Variants in STX5 observed in about 807,000 individuals in gnomAD.
STX5 encodes the protein syntaxin-5.
STX5 carries 15 observed loss-of-function variants against 42.9 expected under a neutral mutation model. That is an observed-to-expected ratio of 0.35 (90% CI 0.23 to 0.54). The LOEUF (loss-of-function observed/expected upper bound fraction) is 0.54, where lower values mean the gene tolerates loss of function less well. Ranked by LOEUF, STX5 falls within the 20% of genes least tolerant of loss-of-function variation. STX5 has a pLI of 0.91. For synonymous variants in STX5, 184 were observed against 173.2 expected (o/e 1.06, Z -0.49); for missense variants, 430 against 455.0 (o/e 0.95, Z 0.50).
chr11:62,809,071 G>A (rs1162678762), intron 10 of STX5, among the ~76,000 whole-genome samples: 4 of 151,900 alleles, frequency 2.6e-5, no homozygotes, highest in East Asian at 1.9e-4. Flanking sequence ...GGCCGATCAC[G>A]AAGTCAGGAG....
chr11:62,828,541 A>G (rs927121099), intron 2 of STX5, among the ~76,000 whole-genome samples: 4 of 151,806 alleles, frequency 2.6e-5, no homozygotes, highest in African/African-American at 7.3e-5. Context: ...CCTGGCTAAC[A>G]TGGTGAAACC....
intron 10 of STX5, chr11:62,823,869 C>T (rs537773971): frequency 1.0e-4 from 38 of 378,324 alleles, no homozygotes; most frequent in South Asian, 9.5e-4. Context: ...TTCTTTTCCA[C>T]AGCTGTCCTC....
chr11:62,814,465 TC>T (rs1489928096), intron 10 of STX5, among the ~76,000 whole-genome samples: 2 of 30,264 alleles, frequency 6.6e-5, no homozygotes, highest in African/African-American at 1.1e-4. Flanking sequence ...CCGGGACTCT[TC>T]CTTTTTTTTT....
chr11:62,822,549 C>A (rs923085008), intron 10 of STX5, among the ~76,000 whole-genome samples: 2 of 152,072 alleles, frequency 1.3e-5, no homozygotes, highest in African/African-American at 2.4e-5. Flanking sequence ...TTGTCACCTG[C>A]GGGCCTTTGC....
chr11:62,825,174 A>G (rs895169470), intron 7 of STX5, 57 bp from the exon 8 acceptor site: 24 of 1,611,894 alleles, frequency 1.5e-5, no homozygotes, highest in Non-Finnish European at 2.0e-5. Context: ...GGCATGTTAA[A>G]GAGACTCCCA....
intron 1 of STX5, 78 bp downstream of exon 1, chr11:62,831,876 C>G (rs562427738): frequency 6.6e-6 from 3 of 456,952 alleles, no homozygotes; most frequent in South Asian, 4.6e-5. Flanking sequence ...TCCCTTCCCC[C>G]CGCCAGTCGT....
At chr11:62,824,092 C>A (rs2084767284) in intron 10 of STX5, 74 bp downstream of exon 10, 3 of 1,607,992 alleles carry the variant, frequency 1.9e-6, no homozygotes, top group East Asian at 4.5e-5. Flanking sequence ...ATCAAGCAGT[C>A]CCTGGGGACT....
intron 10 of STX5, 93 bp downstream of exon 10, chr11:62,824,073 C>G (rs757317073): frequency 1.2e-5 from 19 of 1,580,138 alleles, no homozygotes; most frequent in Non-Finnish European, 1.6e-5. Flanking sequence ...ACTCTATCTT[C>G]CAAAAGGCAT....
At chr11:62,826,910 G>A (rs1448296425) in intron 5 of STX5, among the ~76,000 whole-genome samples, 1 of 151,230 alleles carries the variant, frequency 6.6e-6, no homozygotes, top group African/African-American at 2.4e-5. Flanking sequence ...AATTATCCAG[G>A]AATGAGGGCA....
intron 10 of STX5, among the ~76,000 whole-genome samples, chr11:62,820,656 C>G (rs79983496): frequency 0.072 from 10,925 of 151,334 alleles, 434 homozygotes; most frequent in East Asian, 0.14. Flanking sequence ...GCGCAGGTAC[C>G]CACTACCACG....
At chr11:62,828,305 G>A (rs2084817836) in intron 2 of STX5, among the ~76,000 whole-genome samples, 1 of 152,008 alleles carries the variant, frequency 6.6e-6, no homozygotes, top group Non-Finnish European at 1.5e-5. Flanking sequence ...TAGAGATAGG[G>A]TCTTGCTATA....
At chr11:62,829,116 A>G (rs2084827586) in intron 2 of STX5, among the ~76,000 whole-genome samples, 1 of 151,992 alleles carries the variant, frequency 6.6e-6, no homozygotes, top group Admixed American at 6.6e-5. Context: ...CTCGGGTCCC[A>G]CTGGGATTGT....
chr11:62,811,263 A>G (rs2084613815), intron 10 of STX5, among the ~76,000 whole-genome samples: 1 of 152,140 alleles, frequency 6.6e-6, no homozygotes, highest in Non-Finnish European at 1.5e-5. Context: ...TCTTCCAAAC[A>G]TCAGAACATG....
chr11:62,819,525 CT>C (rs879834828), intron 10 of STX5, among the ~76,000 whole-genome samples: 215 of 145,380 alleles, frequency 1.5e-3, no homozygotes, highest in Middle Eastern at 3.6e-3. Context: ...CTTTTTAATA[CT>C]TTTTTTTTTT....
intron 10 of STX5, 111 bp from the exon 11 acceptor site, chr11:62,807,739 A>C (rs1449028777): frequency 6.6e-7 from 1 of 1,507,694 alleles, no homozygotes; most frequent in Non-Finnish European, 8.9e-7. Flanking sequence ...TCCCATTCTT[A>C]TATATATTTG....
At position 62,823,939 on chromosome 11, in the gene STX5, T is replaced by C. The variant is rs1363599079; in HGVS notation, c.908+227A>G. 8.5e-6 allele frequency: 5 copies of C among 587,032 alleles called. No individual in the cohort carries two copies. The African/African-American group carries it at 9.4e-5, about 11-fold the overall frequency. 36.4% of individuals were successfully genotyped at this position (587,032 alleles called of 1,614,324 possible). On this transcript the variant is annotated intron_variant, in intron 10 of 10. Transcript: ENST00000294179. ...CTACAAAGCAGCTCCAGACAGACTT[T>C]ACTGTTCTACTTGCCACTGTATCTC... is the stretch of plus-strand genomic sequence containing the variant.
chr11:62,831,015 T>A lies in STX5; in HGVS notation c.225+4A>T. On this transcript the variant is annotated splice_donor_region_variant and intron_variant, in intron 2 of 10. Coordinates refer to ENST00000294179, the MANE Select transcript of STX5 (RefSeq NM_003164.5). ...TCCTCGCCTTTTCCACTCCAGGTCC[T>A]TACCTGACGGGTCTGCAGCGACTTG... 2 of 1,549,850 alleles carry A rather than the reference T, an allele frequency of 1.3e-6. No homozygotes were observed. Among genetic ancestry groups the A allele is most frequent in the Non-Finnish European group, 8.7e-7 (1 of 1,146,872 alleles).
intron 5 of STX5, among the ~76,000 whole-genome samples, chr11:62,826,090 T>A (rs1268557271): frequency 6.6e-6 from 1 of 152,116 alleles, no homozygotes; most frequent in Non-Finnish European, 1.5e-5. Context: ...CCATCTCTAC[T>A]AAAAATACCA....
chr11:62,818,689 C>CAA (rs772514194), intron 10 of STX5, among the ~76,000 whole-genome samples: 2 of 107,956 alleles, frequency 1.9e-5, no homozygotes, highest in African/African-American at 3.3e-5. Flanking sequence ...CCGTCTCTAC[C>CAA]AAAAAAAAAA....
Sources: gnomAD v4.1 joint callset for allele counts (sites outside exome capture counted in the v4.1 genomes callset) on GRCh38, gnomAD v4.1.1 for gene constraint, MANE v1.5 for transcripts, NCBI Gene and HGNC (gene_info 2026-07-23, HGNC 2026-07-21) for gene names.